CADM2: variants seen among roughly 807,000 people sequenced by gnomAD.
CADM2 encodes the protein cell adhesion molecule 2, also known as immunoglobulin superfamily member 4D.
A neutral mutation model predicts 49.8 loss-of-function variants in CADM2; 12 were observed. The observed-to-expected ratio is 0.24, with a 90% CI of 0.15 to 0.39. The LOEUF is 0.39. Among genes scored for constraint, CADM2 ranks in the 10% least tolerant of loss-of-function variants. CADM2 has a pLI of 1.00. For missense variants in CADM2, 378 were observed against 492.3 expected (o/e 0.77, Z 2.20); for synonymous variants, 214 against 175.4 (o/e 1.22, Z -1.74).
At position 85,769,232 on chromosome 3, in the gene CADM2, A is replaced by G. The variant is rs1003388537; in HGVS notation, c.89-32815A>G. Among the ~76,000 whole-genome samples, 251 of 118,118 alleles carry G rather than the reference A, an allele frequency of 2.1e-3. 12 individuals carry two copies. Among genetic ancestry groups the G allele is most frequent in the African/African-American group, 9.3e-3 (245 of 26,224 alleles). 77.5% of individuals were successfully genotyped at this position (118,118 alleles called of 152,430 possible). ...ATACATATATAGTATATATACACAC[A>G]TATACACATATATACATATATAGTA... On this transcript the variant is annotated intron_variant, in intron 2 of 9. Transcript: ENST00000383699.
At chr3:85,668,192 T>G (rs2065627976) in intron 1 of CADM2, among the ~76,000 whole-genome samples, 2 of 151,080 alleles carry the variant, frequency 1.3e-5, no homozygotes, top group South Asian at 4.2e-4. Flanking sequence ...TCATCCTCCT[T>G]CTGATAGCAA....
At chr3:85,713,279 T>C (rs2067174416) in intron 1 of CADM2, among the ~76,000 whole-genome samples, 1 of 152,108 alleles carries the variant, frequency 6.6e-6, no homozygotes, top group South Asian at 2.1e-4. Context: ...TTTGTATTTT[T>C]TAGTAGAGAT....
In CADM2 at chr3:85,769,693, T is replaced by C. The variant is rs74977380; in HGVS notation, c.89-32354T>C. Among the ~76,000 whole-genome samples, 157 of 144,786 alleles carry C rather than the reference T, an allele frequency of 1.1e-3. 1 individual carries two copies. The East Asian group carries it at 0.025, about 23-fold the overall frequency. 95.0% of individuals were successfully genotyped at this position (144,786 alleles called of 152,430 possible). On this transcript the variant is annotated intron_variant, in intron 2 of 9. Coordinates refer to ENST00000383699, the MANE Select transcript of CADM2 (RefSeq NM_001167675.2). ...ATACACATATATACATATATATGATTTGTTCTATATATTTTGCATACCAAT... is the reference window on the plus strand; with the variant it reads ...ATACACATATATACATATATATGATCTGTTCTATATATTTTGCATACCAAT...
intron 8 of CADM2, among the ~76,000 whole-genome samples, chr3:86,033,764 TAC>T (rs1415434755): frequency 1.3e-3 from 194 of 146,362 alleles, no homozygotes; most frequent in African/African-American, 4.3e-3. Flanking sequence ...TATATATATA[TAC>T]ACATTAATTA....
At chr3:85,626,413 T>C (rs1450557547) in intron 1 of CADM2, among the ~76,000 whole-genome samples, 1 of 151,940 alleles carries the variant, frequency 6.6e-6, no homozygotes, top group South Asian at 2.1e-4. Flanking sequence ...AAATCAAATG[T>C]CTCACCCATG....
At chr3:85,700,984 C>T (rs903478109) in intron 1 of CADM2, among the ~76,000 whole-genome samples, 2 of 152,024 alleles carry the variant, frequency 1.3e-5, no homozygotes, top group African/African-American at 4.8e-5. Context: ...TCTCACATTG[C>T]AATAAAAAAT....
At chr3:85,634,470 G>A (rs2077212818) in intron 1 of CADM2, among the ~76,000 whole-genome samples, 1 of 151,774 alleles carries the variant, frequency 6.6e-6, no homozygotes, top group African/African-American at 2.4e-5. Flanking sequence ...CTAATTGCTG[G>A]TTCTAATTTA....
intron 1 of CADM2, among the ~76,000 whole-genome samples, chr3:85,562,087 C>G (rs559324919): frequency 6.4e-4 from 97 of 152,140 alleles, no homozygotes; most frequent in Non-Finnish European, 1.1e-3. Context: ...AGCTAGGTAA[C>G]GTTCACTAAG....
At position 85,768,462 on chromosome 3, in the gene CADM2, TA is replaced by T. The variant is rs1230189736; in HGVS notation, c.89-33582del. Among the ~76,000 whole-genome samples, 10 of 94,434 alleles carry T rather than the reference TA, an allele frequency of 1.1e-4. No individual in the cohort carries two copies. In the Middle Eastern group the frequency reaches 0.015, roughly 142 times the overall value. 62.0% of individuals were successfully genotyped at this position (94,434 alleles called of 152,430 possible). On this transcript the variant is annotated intron_variant, in intron 2 of 9. Transcript: ENST00000383699. ...CTCCATCTCAAAATAAATAAATAAA[TA>T]AATAAATAATAAATAAATAAATAAA...
At chr3:86,041,506 G>A (rs946513909) in intron 8 of CADM2, among the ~76,000 whole-genome samples, 6 of 152,130 alleles carry the variant, frequency 3.9e-5, no homozygotes, top group Non-Finnish European at 8.8e-5. Context: ...TAATGGTAAA[G>A]GGATCAATTC....
chr3:85,773,981 A>T (rs2070231024), intron 2 of CADM2, among the ~76,000 whole-genome samples: 1 of 151,932 alleles, frequency 6.6e-6, no homozygotes, highest in African/African-American at 2.4e-5. Context: ...TTGTTTTTGG[A>T]GGCTGATACT....
At chr3:85,679,196 C>T (rs928847915) in intron 1 of CADM2, among the ~76,000 whole-genome samples, 2 of 152,106 alleles carry the variant, frequency 1.3e-5, no homozygotes, top group African/African-American at 4.8e-5. Context: ...TCAATTTAGA[C>T]TCTGATAGAG....
At chr3:85,829,683 C>T (rs1288382851) in intron 3 of CADM2, among the ~76,000 whole-genome samples, 1 of 151,892 alleles carries the variant, frequency 6.6e-6, no homozygotes, top group African/African-American at 2.4e-5. Flanking sequence ...TTCTTTGCCC[C>T]TTTCCCAGTC....
chr3:85,342,111 C>A (rs534650131), intron 1 of CADM2, among the ~76,000 whole-genome samples: 3 of 151,968 alleles, frequency 2.0e-5, no homozygotes, highest in African/African-American at 7.2e-5. Flanking sequence ...GCAATCTATC[C>A]ATCTGACAAA....
At chr3:86,057,141 G>C (rs987915946) in intron 8 of CADM2, among the ~76,000 whole-genome samples, 1 of 151,952 alleles carries the variant, frequency 6.6e-6, no homozygotes, top group African/African-American at 2.4e-5. Flanking sequence ...ATAAAATTAC[G>C]ACATAATAGA....
intron 1 of CADM2, among the ~76,000 whole-genome samples, chr3:85,194,172 G>A (rs2041281009): frequency 6.6e-6 from 1 of 151,974 alleles, no homozygotes; most frequent in Admixed American, 6.6e-5. Flanking sequence ...CTTTTGCAAA[G>A]TTTTGTTGCA....
At chr3:85,354,369 G>T (rs980496914) in intron 1 of CADM2, among the ~76,000 whole-genome samples, 1 of 109,164 alleles carries the variant, frequency 9.2e-6, no homozygotes, top group Admixed American at 1.1e-4. Context: ...GGGGGGAGGG[G>T]GGAGGGATAG....
intron 1 of CADM2, among the ~76,000 whole-genome samples, chr3:85,436,907 G>A (rs1013099252): frequency 2.0e-5 from 3 of 152,228 alleles, no homozygotes; most frequent in East Asian, 1.9e-4. Flanking sequence ...GTTACTGTAC[G>A]TTTATGAGTT....
At chr3:85,017,188 C>A (rs2034287991) in intron 1 of CADM2, among the ~76,000 whole-genome samples, 1 of 152,126 alleles carries the variant, frequency 6.6e-6, no homozygotes. Flanking sequence ...AGGAAGAATG[C>A]AGAGTGTATA....
Sources: allele counts gnomAD v4.1 joint callset (sites outside exome capture counted in the v4.1 genomes callset), GRCh38; gene constraint gnomAD v4.1.1; transcripts MANE v1.5; gene names NCBI Gene and HGNC (gene_info 2026-07-23, HGNC 2026-07-21).